Variants in FOCAD observed in about 807,000 individuals in gnomAD.
The protein encoded by FOCAD is focadhesin.
A neutral mutation model predicts 225.6 loss-of-function variants in FOCAD; 198 were observed. The observed-to-expected ratio is 0.88, with a 90% CI of 0.78 to 0.99. The LOEUF is 0.99. FOCAD is among the 50% of genes least tolerant of loss of function. FOCAD has a pLI of 0.00. For synonymous variants in FOCAD, 897 were observed against 755.0 expected, an observed-to-expected ratio of 1.19 and a Z score of -3.08; for missense variants, 2,713 against 2,123.6, an observed-to-expected ratio of 1.28 and a Z score of -5.46.
At chr9:20,994,797 A>G (rs986653364) in intron 43 of FOCAD, among the ~76,000 whole-genome samples, 1 of 152,184 alleles carries the variant, frequency 6.6e-6, no homozygotes, top group Non-Finnish European at 1.5e-5. Flanking sequence ...TTACAAAGAT[A>G]ACAACGCATA....
intron 1 of FOCAD, among the ~76,000 whole-genome samples, chr9:20,700,655 T>A (rs533558993): frequency 6.6e-6 from 1 of 152,346 alleles, no homozygotes; most frequent in Non-Finnish European, 1.5e-5. Context: ...GTTTAAACAT[T>A]TATTTTTCTA....
chr9:20,865,979 A>G lies in FOCAD; in HGVS notation c.2106+3A>G. On this transcript the variant is annotated splice_donor_region_variant and intron_variant, in intron 17 of 43. Coordinates refer to ENST00000338382, the MANE Select transcript of FOCAD (RefSeq NM_001375567.1). ...TCTGGACTCATACTCAAAACAAGGT[A>G]CTATCACAAGGCTTGTCAGTGAATC... 1 of 1,604,820 alleles carries G rather than the reference A, an allele frequency of 6.2e-7. No individual in the cohort carries two copies. Among genetic ancestry groups the G allele is most frequent in the Non-Finnish European group, 8.5e-7 (1 of 1,175,502 alleles).
chr9:20,782,112 T>A (rs1271066687), intron 10 of FOCAD, among the ~76,000 whole-genome samples, 183 bp downstream of exon 10: 4 of 152,200 alleles, frequency 2.6e-5, no homozygotes, highest in Non-Finnish European at 4.4e-5. Context: ...AGTCCTGTTG[T>A]GAAATAAGTT....
intron 35 of FOCAD, among the ~76,000 whole-genome samples, chr9:20,955,878 T>C (rs1037891638): frequency 1.1e-4 from 17 of 152,210 alleles, no homozygotes; most frequent in Non-Finnish European, 2.9e-5. Flanking sequence ...AAGTACTTAA[T>C]AAAAGTGATT....
Position 20,916,916 on chromosome 9 carries a change from A to T in FOCAD, c.2831A>T (p.Glu944Val). The stretch of plus-strand genomic sequence containing the variant: ...AGGGTTAGAGACATGCTGACTGATG[A>T]GATCACCAAGGCAGCTGCAAAGTAA... Reference protein sequence around the residue: ...WLWVRDMLTDEITKAAAKESP... With the variant: ...WLWVRDMLTDVITKAAAKESP... Residue 944 changes from glutamate to valine, a missense_variant, in exon 24 of 44, where the codon GAG (glutamate) becomes GTG (valine). Physicochemically the swap from Glu to Val is moderately radical, Grantham distance 121. Coordinates refer to ENST00000338382, the MANE Select transcript of FOCAD (RefSeq NM_001375567.1). The T allele has an allele frequency of 6.2e-7, 1 of 1,605,240 alleles. No homozygotes were observed. Among genetic ancestry groups the T allele is most frequent in the South Asian group, 1.1e-5 (1 of 88,712 alleles).
At chr9:20,668,112 G>C (rs1294822917) in intron 2 of FOCAD, among the ~76,000 whole-genome samples, 1 of 152,156 alleles carries the variant, frequency 6.6e-6, no homozygotes, top group Non-Finnish European at 1.5e-5. Context: ...CGGCAGAGAA[G>C]AAATTTGGTT....
intron 35 of FOCAD, among the ~76,000 whole-genome samples, chr9:20,971,645 C>T (rs549834209): frequency 6.6e-6 from 1 of 152,124 alleles, no homozygotes; most frequent in South Asian, 2.1e-4. Flanking sequence ...GGAATTTCTC[C>T]ATTCAATAGT....
chr9:20,820,184 C>G, intron 12 of FOCAD, 140 bp from the exon 13 acceptor site: 1 of 608,314 alleles, frequency 1.6e-6, no homozygotes, highest in Non-Finnish European at 2.8e-6. Context: ...ATTTTTCATC[C>G]TCTAAGAAGG....
rs540210428 is a variant in FOCAD at position 20,885,384 on chromosome 9, A to G, written c.2625+154A>G. 10 of 607,032 alleles carry G rather than the reference A, an allele frequency of 1.6e-5. No individual in the cohort carries two copies. The South Asian group carries it at 7.0e-4, about 42-fold the overall frequency. 37.6% of individuals were successfully genotyped at this position (607,032 alleles called of 1,614,324 possible). A position where few individuals can be genotyped will look rare whatever the true frequency, so the allele number is the denominator to read the frequency against. ...ATAGTTGACCCAACTGAATACTCAA[A>G]TATTTCAATGTATTTCTGAAAGAAA... On this transcript the variant is annotated intron_variant, in intron 21 of 43. Coordinates refer to ENST00000338382, the MANE Select transcript of FOCAD (RefSeq NM_001375567.1).
intron 15 of FOCAD, among the ~76,000 whole-genome samples, chr9:20,828,092 G>T (rs1402106168): frequency 1.3e-5 from 2 of 151,342 alleles, no homozygotes; most frequent in Non-Finnish European, 2.9e-5. Context: ...GATTGAGGCT[G>T]CAGTGAGCCA....
At chr9:20,937,738 T>G (rs922715938) in intron 28 of FOCAD, among the ~76,000 whole-genome samples, 2 of 151,596 alleles carry the variant, frequency 1.3e-5, no homozygotes, top group African/African-American at 4.8e-5. Context: ...TGGGATCTAA[T>G]TAAACTAAAG....
At chr9:20,765,145 G>C (rs906267613) in intron 7 of FOCAD, 72 bp downstream of exon 7, 1 of 1,343,500 alleles carries the variant, frequency 7.4e-7, no homozygotes, top group Non-Finnish European at 1.0e-6. Context: ...AGACAAAGTA[G>C]TTCTAGAACA....
chr9:20,817,718 A>G (rs1823877390), intron 11 of FOCAD, among the ~76,000 whole-genome samples: 1 of 151,712 alleles, frequency 6.6e-6, no homozygotes, highest in Non-Finnish European at 1.5e-5. Context: ...ATGTATCAGT[A>G]CTTTATTTAT....
intron 42 of FOCAD, 64 bp from the exon 43 acceptor site, chr9:20,993,189 A>G: frequency 7.4e-7 from 1 of 1,342,722 alleles, no homozygotes; most frequent in Non-Finnish European, 1.1e-6. Flanking sequence ...GTCCAAGGGA[A>G]TAACTGTTCT....
At chr9:20,895,249 T>A (rs1003099532) in intron 21 of FOCAD, among the ~76,000 whole-genome samples, 1 of 152,010 alleles carries the variant, frequency 6.6e-6, no homozygotes, top group African/African-American at 2.4e-5. Context: ...GAGTTAGGTA[T>A]GTCAGTCCTC....
chr9:20,669,001 C>T (rs910262960), intron 2 of FOCAD, among the ~76,000 whole-genome samples: 1 of 152,104 alleles, frequency 6.6e-6, no homozygotes, highest in Non-Finnish European at 1.5e-5. Flanking sequence ...GATTCCTTGC[C>T]CTGTGACTTC....
At position 20,829,105 on chromosome 9, in the gene FOCAD, G is replaced by A. The variant is rs550312375; in HGVS notation, c.1920+5990G>A. Reference sequence around the variant, plus strand: ...ATAGTGCTGCCATGAATATACGTGCGCATGTGTCTTTGTAATAGAATGATT... The same window carrying A: ...ATAGTGCTGCCATGAATATACGTGCACATGTGTCTTTGTAATAGAATGATT... On this transcript the variant is annotated intron_variant, in intron 15 of 43. Transcript: ENST00000338382. Among the ~76,000 whole-genome samples, 449 of 152,148 alleles carry A rather than the reference G, an allele frequency of 3.0e-3. 2 individuals are homozygous for A. The highest frequency in any genetic ancestry group is 4.3e-3 in the Non-Finnish European group (291 of 67,990).
intron 6 of FOCAD, among the ~76,000 whole-genome samples, chr9:20,760,252 C>T (rs1829460569): frequency 1.3e-5 from 2 of 152,210 alleles, no homozygotes; most frequent in African/African-American, 2.4e-5. Context: ...AGCATGTTCC[C>T]ACCCCTTTGG....
At chr9:20,868,421 T>C (rs1020481719) in intron 18 of FOCAD, among the ~76,000 whole-genome samples, 1 of 152,098 alleles carries the variant, frequency 6.6e-6, no homozygotes, top group Non-Finnish European at 1.5e-5. Context: ...AATATTGACA[T>C]GCTTATATTT....
Sources: gnomAD v4.1 joint callset for allele counts (sites outside exome capture counted in the v4.1 genomes callset) on GRCh38, gnomAD v4.1.1 for gene constraint, MANE v1.5 for transcripts, NCBI Gene and HGNC (gene_info 2026-07-23, HGNC 2026-07-21) for gene names.